NELL2: variants seen among roughly 807,000 people sequenced by gnomAD.
NELL2 encodes protein kinase C-binding protein NELL2.
Under a neutral mutation model 109.6 loss-of-function variants are expected in NELL2, and 41 were observed. That is an observed-to-expected ratio of 0.37 (90% CI 0.29 to 0.49). The LOEUF (loss-of-function observed/expected upper bound fraction) is 0.49, where lower values mean the gene tolerates loss of function less well. NELL2 is among the 20% of genes least tolerant of loss of function. The pLI, the probability that NELL2 is intolerant of heterozygous loss-of-function variation, is 0.98. For synonymous variants in NELL2, 355 were observed against 344.7 expected (o/e 1.03, Z -0.33); for missense variants, 900 against 1,008.3 (o/e 0.89, Z 1.45).
chr12:44,794,401 A>T (rs1429489916), intron 3 of NELL2, among the ~76,000 whole-genome samples: 2 of 152,176 alleles, frequency 1.3e-5, no homozygotes, highest in Non-Finnish European at 2.9e-5. Context: ...AGGCAAGACC[A>T]TGACACACTC....
In NELL2 at chr12:44,648,728, TA is replaced by T. The variant is rs1389158414; in HGVS notation, c.1444+16755del. Among the ~76,000 whole-genome samples the T allele has an allele frequency of 3.7e-3, 369 of 99,864 alleles. 1 individual carries two copies. The highest frequency in any genetic ancestry group is 0.019 in the African/African-American group (346 of 17,760). The allele number at this position is 99,864 out of a possible 152,430, so 65.5% of individuals were successfully genotyped here. A position where few individuals can be genotyped will look rare whatever the true frequency, so the allele number is the denominator to read the frequency against. On this transcript the variant is annotated intron_variant, in intron 13 of 19. Transcript: ENST00000429094. ...ATGCCATCATATATATATATATATA[TA>T]TATTTTTTTTTTTTTTTTTTTTTTG...
chr12:44,754,099 T>C (rs147590197), intron 9 of NELL2, among the ~76,000 whole-genome samples: 332 of 152,288 alleles, frequency 2.2e-3, no homozygotes, highest in African/African-American at 7.5e-3. Flanking sequence ...TTGGGAGATA[T>C]TTGGAAATAT....
At chr12:44,899,176 T>C (rs543120180) in intron 1 of NELL2, among the ~76,000 whole-genome samples, 2 of 152,222 alleles carry the variant, frequency 1.3e-5, no homozygotes, top group South Asian at 2.1e-4. Flanking sequence ...CAGAACCAAG[T>C]TGAAAAACAT....
At chr12:44,602,407 CAAAG>C (rs1945253868) in intron 15 of NELL2, among the ~76,000 whole-genome samples, 1 of 152,080 alleles carries the variant, frequency 6.6e-6, no homozygotes, top group Admixed American at 6.5e-5. Flanking sequence ...GAACTAGAAG[CAAAG>C]CTTCCTTAAT....
chr12:44,530,429 T>C (rs1941994182), intron 16 of NELL2, among the ~76,000 whole-genome samples: 1 of 152,130 alleles, frequency 6.6e-6, no homozygotes, highest in South Asian at 2.1e-4. Context: ...AGAAATGAAG[T>C]AGGAATGCTG....
At chr12:44,523,551 G>T in intron 16 of NELL2, 67 bp from the exon 17 acceptor site, 8 of 1,380,070 alleles carry the variant, frequency 5.8e-6, no homozygotes, top group Non-Finnish European at 8.1e-6. Flanking sequence ...ACTGCAATCA[G>T]GCCAGTTGTC....
At chr12:44,701,347 T>C (rs1949222606) in intron 12 of NELL2, among the ~76,000 whole-genome samples, 1 of 152,228 alleles carries the variant, frequency 6.6e-6, no homozygotes, top group East Asian at 1.9e-4. Flanking sequence ...AGATTATATA[T>C]TTAAATGACA....
At chr12:44,867,710 C>A (rs867468204) in intron 2 of NELL2, among the ~76,000 whole-genome samples, 2 of 152,116 alleles carry the variant, frequency 1.3e-5, no homozygotes, top group Non-Finnish European at 2.9e-5. Flanking sequence ...TTGACATCAT[C>A]TTATATCTAG....
At chr12:44,871,009 A>T (rs1401660920) in intron 2 of NELL2, among the ~76,000 whole-genome samples, 1 of 152,046 alleles carries the variant, frequency 6.6e-6, no homozygotes, top group Non-Finnish European at 1.5e-5. Flanking sequence ...CTTTCCTCAT[A>T]TACTTTATTT....
intron 13 of NELL2, among the ~76,000 whole-genome samples, chr12:44,664,127 T>C (rs575713439): frequency 3.9e-5 from 6 of 152,142 alleles, no homozygotes; most frequent in Non-Finnish European, 7.4e-5. Flanking sequence ...ATATTCCTTT[T>C]ATTTATTATA....
chr12:44,556,451 T>C (rs4143007), intron 15 of NELL2, among the ~76,000 whole-genome samples: 74,636 of 151,970 alleles, frequency 0.49, 19,940 homozygotes, highest in East Asian at 0.69. Context: ...ATGGCAATCT[T>C]AGTAGGTCAT....
At chr12:44,783,945 T>TAAAAA (rs1284305914) in intron 3 of NELL2, among the ~76,000 whole-genome samples, 15 of 152,052 alleles carry the variant, frequency 9.9e-5, no homozygotes, top group Non-Finnish European at 2.2e-4. Context: ...CAAATATAAT[T>TAAAAA]CAGCAATATA....
intron 15 of NELL2, among the ~76,000 whole-genome samples, chr12:44,598,317 G>T (rs961066678): frequency 3.3e-5 from 5 of 151,830 alleles, no homozygotes; most frequent in African/African-American, 1.2e-4. Flanking sequence ...ACTGACCATA[G>T]ATGAGAACCC....
chr12:44,594,701 T>C (rs1944892061), intron 15 of NELL2, among the ~76,000 whole-genome samples: 1 of 152,140 alleles, frequency 6.6e-6, no homozygotes, highest in African/African-American at 2.4e-5. Flanking sequence ...TCTCAGAAAA[T>C]ATAGTGTAAA....
At chr12:44,697,713 G>C (rs1949107258) in intron 12 of NELL2, among the ~76,000 whole-genome samples, 1 of 152,104 alleles carries the variant, frequency 6.6e-6, no homozygotes, top group Non-Finnish European at 1.5e-5. Context: ...TCACAGAGAA[G>C]ATAAAAATCA....
chr12:44,730,044 T>C (rs1205773336), intron 9 of NELL2, among the ~76,000 whole-genome samples: 4 of 152,070 alleles, frequency 2.6e-5, no homozygotes, highest in South Asian at 2.1e-4. Flanking sequence ...AAATAAGAGA[T>C]AAATAAGGAA....
At chr12:44,877,683 G>C (rs1034852424), upstream of NELL2, among the ~76,000 whole-genome samples, 5 of 152,006 alleles carry the variant, frequency 3.3e-5, no homozygotes, top group African/African-American at 1.2e-4. Flanking sequence ...TAGGGAAAGA[G>C]GTATTTTTAG....
In NELL2 at chr12:44,630,332, G is replaced by A. The variant is rs1381452600; in HGVS notation, c.1445-19362C>T. 2.6e-5 allele frequency among the ~76,000 whole-genome samples: 4 copies of A among 152,074 alleles called. No homozygotes were observed. The East Asian group carries it at 7.7e-4, about 29-fold the overall frequency. On this transcript the variant is annotated intron_variant, in intron 13 of 19. Transcript: ENST00000429094. ...TATAAGGCAAATGAAGCATGAAAAG[G>A]GGTGAAAAAATTTCTTCAAAGAATT...
rs71435995 is a variant in NELL2 at position 44,909,742 on chromosome 12, G to GACACACACAC, written c.38+4047_38+4056dup. 6.9e-3 allele frequency among the ~76,000 whole-genome samples: 993 copies of GACACACACAC among 144,520 alleles called. 9 individuals are homozygous for GACACACACAC. The highest frequency in any genetic ancestry group is 0.022 in the African/African-American group (875 of 39,668). The allele number at this position is 144,520 out of a possible 152,430, so 94.8% of individuals were successfully genotyped here. ...ATGGTTTTGGTGACACACAGACACA[G>GACACACACAC]ACACACACACACACACACACACACA... On this transcript the variant is annotated intron_variant, in intron 1 of 20. Coordinates refer to the NELL2 transcript ENST00000333837.
Sources: gnomAD v4.1 joint callset for allele counts (sites outside exome capture counted in the v4.1 genomes callset) on GRCh38, gnomAD v4.1.1 for gene constraint, MANE v1.5 for transcripts, NCBI Gene and HGNC (gene_info 2026-07-23, HGNC 2026-07-21) for gene names.